The following PRKN variants were observed in gnomAD, a reference collection of about 807,000 sequenced individuals.
PRKN encodes E3 ubiquitin-protein ligase parkin.
In PRKN, 56 loss-of-function variants were observed where a neutral mutation model predicts 59.5. The observed-to-expected ratio is 0.94, with a 90% confidence interval of 0.76 to 1.18. The LOEUF is 1.18. Ranked by LOEUF, PRKN falls within the 50% of genes most tolerant of loss-of-function variation. The pLI is 0.00. For missense variants in PRKN, 657 were observed against 596.4 expected, an observed-to-expected ratio of 1.10 and a Z score of -1.06; for synonymous variants, 250 against 222.1, an observed-to-expected ratio of 1.13 and a Z score of -1.12.
intron 2 of PRKN, among the ~76,000 whole-genome samples, chr6:162,364,492 TAAAAG>T (rs1785314763): frequency 6.6e-6 from 1 of 151,754 alleles, no homozygotes; most frequent in South Asian, 2.1e-4. Flanking sequence ...ATAAATAAAA[TAAAAG>T]AAAGAAAGAA....
chr6:161,842,480 A>C lies in PRKN; in HGVS notation c.735-56572T>G, dbSNP rs572254212. On this transcript the variant is annotated intron_variant, in intron 6 of 11. Coordinates refer to ENST00000366898, the MANE Select transcript of PRKN (RefSeq NM_004562.3). ...GAATGAGACTCTAAAAAAAAAAAAA[A>C]AATAGCCATGGGCAAGAGAGACATG... 1.5e-4 allele frequency among the ~76,000 whole-genome samples: 23 copies of C among 151,644 alleles called. No homozygotes were observed. The South Asian group carries it at 4.8e-3, about 32-fold the overall frequency.
intron 7 of PRKN, among the ~76,000 whole-genome samples, chr6:161,679,176 C>T (rs1453575321): frequency 1.3e-5 from 2 of 152,172 alleles, no homozygotes; most frequent in Admixed American, 6.5e-5. Flanking sequence ...TCAGGAGCAT[C>T]GCCAAGTGAT....
chr6:161,874,205 T>C (rs187936862), intron 6 of PRKN, among the ~76,000 whole-genome samples: 2,164 of 53,754 alleles, frequency 0.04, 133 homozygotes, highest in Middle Eastern at 0.075. Context: ...ATATATATTA[T>C]ATGTAAAATA....
At chr6:162,657,702 A>C (rs866761508) in intron 1 of PRKN, among the ~76,000 whole-genome samples, 1 of 152,292 alleles carries the variant, frequency 6.6e-6, no homozygotes, top group Middle Eastern at 3.4e-3. Context: ...GGAAATCCAC[A>C]CTGAAAATTA....
intron 6 of PRKN, among the ~76,000 whole-genome samples, chr6:161,963,474 G>T (rs992436157): frequency 6.6e-6 from 1 of 152,218 alleles, no homozygotes; most frequent in Admixed American, 6.5e-5. Flanking sequence ...AAACTGAATG[G>T]TTCACATTTC....
chr6:162,245,465 AAT>A (rs1355267910), intron 3 of PRKN, among the ~76,000 whole-genome samples: 1 of 151,932 alleles, frequency 6.6e-6, no homozygotes, highest in Non-Finnish European at 1.5e-5. Context: ...GGTTGAAGAA[AAT>A]TTTTGACACT....
At chr6:162,240,233 A>G (rs189006955) in intron 3 of PRKN, among the ~76,000 whole-genome samples, 65 of 152,308 alleles carry the variant, frequency 4.3e-4, no homozygotes, top group Non-Finnish European at 8.8e-4. Flanking sequence ...TTTTTAAAAT[A>G]AGATCTTTGA....
intron 5 of PRKN, among the ~76,000 whole-genome samples, chr6:162,034,993 G>A (rs1464969944): frequency 6.6e-6 from 1 of 152,122 alleles, no homozygotes; most frequent in East Asian, 1.9e-4. Flanking sequence ...GTTCGCTCAC[G>A]GTTCTGAAGG....
intron 7 of PRKN, among the ~76,000 whole-genome samples, chr6:161,600,411 A>T (rs1782065932): frequency 6.6e-6 from 1 of 152,006 alleles, no homozygotes; most frequent in South Asian, 2.1e-4. Flanking sequence ...TCTGATGGTA[A>T]TTTTTTCAAC....
intron 2 of PRKN, among the ~76,000 whole-genome samples, chr6:162,398,806 C>G (rs1311652584): frequency 2.0e-5 from 3 of 152,164 alleles, no homozygotes; most frequent in African/African-American, 7.2e-5. Context: ...GCAAATGATA[C>G]ATTCCTGCTT....
chr6:162,561,346 G>C (rs1779830838), intron 1 of PRKN, among the ~76,000 whole-genome samples: 1 of 152,146 alleles, frequency 6.6e-6, no homozygotes, highest in Admixed American at 6.5e-5. Flanking sequence ...AAAGAAGAAA[G>C]CCAATGACTA....
chr6:162,011,571 T>C (rs1276267624), intron 5 of PRKN, among the ~76,000 whole-genome samples: 1 of 135,194 alleles, frequency 7.4e-6, no homozygotes, highest in African/African-American at 2.8e-5. Flanking sequence ...TTGATATTTT[T>C]ATTTTCTATT....
intron 1 of PRKN, among the ~76,000 whole-genome samples, chr6:162,528,058 C>A (rs1480654797): frequency 1.7e-4 from 1 of 5,834 alleles, no homozygotes; most frequent in African/African-American, 1.1e-3. Context: ...TTTGGGAGGT[C>A]GGGGGAGGGC....
intron 9 of PRKN, among the ~76,000 whole-genome samples, chr6:161,510,787 T>C (rs1323328003): frequency 2.0e-5 from 3 of 152,176 alleles, no homozygotes; most frequent in Non-Finnish European, 4.4e-5. Flanking sequence ...TGATAGAGGA[T>C]ATAATCCTTT....
In PRKN at chr6:162,582,903, G is replaced by T. The variant is rs539190591; in HGVS notation, c.8-139430C>A. Among the ~76,000 whole-genome samples, 40 of 152,260 alleles carry T rather than the reference G, an allele frequency of 2.6e-4. 1 individual carries two copies. The South Asian group carries it at 2.7e-3, about 10-fold the overall frequency. On this transcript the variant is annotated intron_variant, in intron 1 of 11. Transcript: ENST00000366898. ...AGACAGTGTTTATGAAAATGTGATT[G>T]CTATGGCTTACATGTCTGTCCCCTT...
rs1051621409 is a variant in PRKN at position 161,561,501 on chromosome 6, A to T, written c.933+7854T>A. Among the ~76,000 whole-genome samples, 2 of 152,112 alleles carry T rather than the reference A, an allele frequency of 1.3e-5. No individual in the cohort carries two copies. The highest frequency in any genetic ancestry group is 2.9e-5 in the Non-Finnish European group (2 of 68,024). Reference sequence around the variant, plus strand: ...GTGGAAGACGCAGCAGTGAAAAATGACATCTTCCTTCGTGGAGCCATCATA... The same window carrying T: ...GTGGAAGACGCAGCAGTGAAAAATGTCATCTTCCTTCGTGGAGCCATCATA... On this transcript the variant is annotated intron_variant, in intron 8 of 11. Transcript: ENST00000366898. This position sits in a 1 kb window ranked among gnomAD's most constrained non-coding sequence, Gnocchi z 5.0.
chr6:161,922,077 A>G (rs1778805076), intron 6 of PRKN, among the ~76,000 whole-genome samples: 1 of 152,168 alleles, frequency 6.6e-6, no homozygotes, highest in African/African-American at 2.4e-5. Context: ...AAGCCCAGAA[A>G]ATTAAGTTAC....
chr6:161,825,177 T>A (rs1013181722), intron 6 of PRKN, among the ~76,000 whole-genome samples: 3 of 152,158 alleles, frequency 2.0e-5, no homozygotes, highest in Non-Finnish European at 4.4e-5. Context: ...AAGAGGCATA[T>A]GACCAAAAAT....
At chr6:161,729,457 A>G (rs1787584037) in intron 7 of PRKN, among the ~76,000 whole-genome samples, 2 of 152,202 alleles carry the variant, frequency 1.3e-5, no homozygotes, top group Non-Finnish European at 2.9e-5. Context: ...ACATTTGATT[A>G]TTATAGGTTG....
Sources: allele counts gnomAD v4.1 joint callset (sites outside exome capture counted in the v4.1 genomes callset), GRCh38; gene constraint gnomAD v4.1.1; non-coding constraint Gnocchi (gnomAD v3.1); transcripts MANE v1.5; gene names NCBI Gene and HGNC (gene_info 2026-07-23, HGNC 2026-07-21).